Variants in STAG1 observed in about 807,000 individuals in gnomAD.
STAG1 encodes the protein STAG1 cohesin complex component.
STAG1 carries 26 observed loss-of-function variants against 170.9 expected under a neutral mutation model. The observed-to-expected ratio is 0.15, with a 90% CI of 0.11 to 0.21. The LOEUF is 0.21. Among genes scored for constraint, STAG1 ranks in the 10% least tolerant of loss-of-function variants. The pLI is 1.00. For missense variants in STAG1, 964 were observed against 1,509.5 expected (o/e 0.64, Z 5.99); for synonymous variants, 514 against 497.7 (o/e 1.03, Z -0.44).
chr3:136,343,431 T>G (rs565728957), intron 30 of STAG1, among the ~76,000 whole-genome samples: 2 of 152,336 alleles, frequency 1.3e-5, no homozygotes, highest in East Asian at 1.9e-4. Flanking sequence ...AAATATTAAT[T>G]AAATGGATGA....
At chr3:136,371,775 G>A (rs912605530) in intron 23 of STAG1, among the ~76,000 whole-genome samples, 1 of 152,160 alleles carries the variant, frequency 6.6e-6, no homozygotes, top group African/African-American at 2.4e-5. Flanking sequence ...AGTATAGTTT[G>A]AAGTCAGGTA....
chr3:136,586,241 T>C (rs951209826), intron 4 of STAG1, among the ~76,000 whole-genome samples: 8 of 146,862 alleles, frequency 5.4e-5, no homozygotes, highest in East Asian at 3.9e-4. Context: ...TTTATGTGTG[T>C]GTATACATAT....
chr3:136,468,494 C>G (rs1460242550), intron 12 of STAG1, among the ~76,000 whole-genome samples: 5 of 152,118 alleles, frequency 3.3e-5, no homozygotes, highest in Non-Finnish European at 7.4e-5. Flanking sequence ...ATAACAGGCT[C>G]TGAAATTGAG....
intron 1 of STAG1, among the ~76,000 whole-genome samples, chr3:136,638,165 T>C (rs559469062): frequency 6.6e-6 from 1 of 151,906 alleles, no homozygotes; most frequent in East Asian, 1.9e-4. Context: ...TTGCTCTTGT[T>C]GCCCAAGCTG....
chr3:136,618,421 TG>T (rs1939693678), intron 3 of STAG1, among the ~76,000 whole-genome samples: 1 of 152,216 alleles, frequency 6.6e-6, no homozygotes, highest in Non-Finnish European at 1.5e-5. Flanking sequence ...AGAAGTACCT[TG>T]CCTTGCTGAG....
chr3:136,515,568 CAA>C (rs1301690595), intron 7 of STAG1, among the ~76,000 whole-genome samples: 1 of 151,958 alleles, frequency 6.6e-6, no homozygotes, highest in Non-Finnish European at 1.5e-5. Context: ...ATAATTTGTC[CAA>C]AGTCACCAAG....
At chr3:136,456,080 G>A (rs1197512028) in intron 13 of STAG1, among the ~76,000 whole-genome samples, 2 of 152,170 alleles carry the variant, frequency 1.3e-5, no homozygotes, top group Non-Finnish European at 2.9e-5. Context: ...GGAAGCGGTA[G>A]CTATCTCTTC....
chr3:136,508,887 CGAGA>C (rs111390217), intron 7 of STAG1, among the ~76,000 whole-genome samples: 314 of 149,448 alleles, frequency 2.1e-3, no homozygotes, highest in African/African-American at 4.0e-3. Flanking sequence ...CGCGCGTGCG[CGAGA>C]GAGAGAGAGA....
chr3:136,423,630 AG>A, intron 16 of STAG1, among the ~76,000 whole-genome samples: 1 of 152,358 alleles, frequency 6.6e-6, no homozygotes, highest in African/African-American at 2.4e-5. Context: ...GTGAAACCAC[AG>A]GTGATTCCAA....
chr3:136,473,276 A>G (rs1466993635), intron 11 of STAG1, among the ~76,000 whole-genome samples: 1 of 152,130 alleles, frequency 6.6e-6, no homozygotes, highest in South Asian at 2.1e-4. Context: ...TTCATTACAT[A>G]TTACAATGTA....
chr3:136,730,078 C>T (rs943740472), intron 1 of STAG1, among the ~76,000 whole-genome samples: 13 of 151,546 alleles, frequency 8.6e-5, no homozygotes, highest in Non-Finnish European at 1.8e-4. Context: ...GACAGAGTCG[C>T]CCTCTGTCAC....
intron 19 of STAG1, 105 bp from the exon 20 acceptor site, chr3:136,421,268 T>C: frequency 1.8e-6 from 1 of 545,370 alleles, no homozygotes; most frequent in Non-Finnish European, 2.9e-6. Context: ...TAATAGTATA[T>C]ATTCATTGTA....
intron 1 of STAG1, among the ~76,000 whole-genome samples, chr3:136,665,306 T>C (rs939120774): frequency 5.9e-5 from 9 of 152,160 alleles, no homozygotes; most frequent in African/African-American, 4.8e-5. Flanking sequence ...GAGATAGATA[T>C]GGATCATGGA....
intron 5 of STAG1, among the ~76,000 whole-genome samples, chr3:136,551,195 G>T (rs1936365679): frequency 8.6e-6 from 1 of 116,772 alleles, no homozygotes; most frequent in African/African-American, 3.6e-5. Context: ...GAGAGAGAGA[G>T]GTTGAGAGAG....
intron 3 of STAG1, chr3:136,609,262 G>C (rs958577967): frequency 6.6e-6 from 1 of 151,966 alleles, no homozygotes; most frequent in African/African-American, 2.4e-5. Context: ...TTGAGCCCAG[G>C]AGTTCAAGAC....
At chr3:136,548,866 T>C (rs917955757) in intron 5 of STAG1, among the ~76,000 whole-genome samples, 2 of 152,146 alleles carry the variant, frequency 1.3e-5, no homozygotes, top group East Asian at 1.9e-4. Flanking sequence ...GTTTTCATGA[T>C]AGTAGGTGAA....
At chr3:136,494,930 A>G (rs1933000621) in intron 9 of STAG1, among the ~76,000 whole-genome samples, 2 of 152,328 alleles carry the variant, frequency 1.3e-5, no homozygotes, top group Admixed American at 1.3e-4. Context: ...AATCCCTATG[A>G]TAATTTCAGA....
chr3:136,702,135 G>C (rs1439968419), intron 1 of STAG1, among the ~76,000 whole-genome samples: 1 of 99,052 alleles, frequency 1.0e-5, no homozygotes, highest in African/African-American at 6.8e-5. Flanking sequence ...GAGAGACAGA[G>C]AGACAGAGAG....
Position 136,389,319 on chromosome 3 carries a change from AT to A in STAG1, c.2277+9429del, listed in dbSNP as rs34131048. On this transcript the variant is annotated intron_variant, in intron 22 of 33. Transcript: ENST00000383202. ...CTTTATTTACTTATTTGCTTATTTA[AT>A]TTTTTTTGAGACTGAGTCTCACTCT... Among the ~76,000 whole-genome samples, 48 of 151,668 alleles carry A rather than the reference AT, an allele frequency of 3.2e-4. 1 individual carries two copies. The highest frequency in any genetic ancestry group is 7.9e-4 in the Admixed American group (12 of 15,206).
Sources: gnomAD v4.1 joint callset for allele counts (sites outside exome capture counted in the v4.1 genomes callset) on GRCh38, gnomAD v4.1.1 for gene constraint, MANE v1.5 for transcripts, NCBI Gene and HGNC (gene_info 2026-07-23, HGNC 2026-07-21) for gene names.